Variants in FYN observed in about 807,000 individuals in gnomAD.
FYN encodes tyrosine-protein kinase Fyn.
Under a neutral mutation model 70.2 loss-of-function variants are expected in FYN, and 10 were observed. That is an observed-to-expected ratio of 0.14 (90% confidence interval 0.09 to 0.24). The LOEUF (loss-of-function observed/expected upper bound fraction) is 0.24, where lower values mean the gene tolerates loss of function less well. Ranked by LOEUF, FYN falls within the 10% of genes least tolerant of loss-of-function variation. The probability of loss-of-function intolerance (pLI) is 1.00; values close to 1 mark genes in which losing one functional copy is unlikely to be tolerated. For synonymous variants in FYN, 236 were observed against 248.6 expected, an observed-to-expected ratio of 0.95 and a Z score of 0.48; for missense variants, 319 against 673.1, an observed-to-expected ratio of 0.47 and a Z score of 5.82.
chr6:111,824,175 T>C (rs1315524898), intron 2 of FYN, among the ~76,000 whole-genome samples: 1 of 152,248 alleles, frequency 6.6e-6, no homozygotes, highest in Non-Finnish European at 1.5e-5. Flanking sequence ...AAACATCTTT[T>C]GCAAGATGTG....
At chr6:111,705,651 C>T (rs943960366) in intron 6 of FYN, among the ~76,000 whole-genome samples, 8 of 152,170 alleles carry the variant, frequency 5.3e-5, no homozygotes, top group African/African-American at 1.9e-4. Flanking sequence ...GAGTTCGAGG[C>T]CACCCTGGCC....
chr6:111,819,496 A>G (rs1562532776), intron 2 of FYN, among the ~76,000 whole-genome samples: 1 of 152,062 alleles, frequency 6.6e-6, no homozygotes, highest in African/African-American at 2.4e-5. Context: ...CTGAAATAGA[A>G]TATTCTTTCC....
intron 2 of FYN, among the ~76,000 whole-genome samples, chr6:111,845,764 G>A (rs1281975045): frequency 6.6e-6 from 1 of 152,220 alleles, no homozygotes; most frequent in Non-Finnish European, 1.5e-5. Flanking sequence ...GGGCAGAGTA[G>A]TGGGGGCCGA....
chr6:111,760,852 C>T (rs1802976205), intron 3 of FYN, among the ~76,000 whole-genome samples: 1 of 152,196 alleles, frequency 6.6e-6, no homozygotes, highest in African/African-American at 2.4e-5. Flanking sequence ...CCTGCTCTTC[C>T]TATCTGAATC....
At chr6:111,847,923 C>T (rs1773577334) in intron 1 of FYN, among the ~76,000 whole-genome samples, 1 of 152,144 alleles carries the variant, frequency 6.6e-6, no homozygotes, top group African/African-American at 2.4e-5. Flanking sequence ...CCTTAGCAAC[C>T]CATATCATCT....
At chr6:111,693,910 C>T (rs564158424) in intron 12 of FYN, among the ~76,000 whole-genome samples, 4 of 152,206 alleles carry the variant, frequency 2.6e-5, no homozygotes, top group Non-Finnish European at 5.9e-5. Flanking sequence ...CTTCTTGTGC[C>T]CACTTCTCTG....
At position 111,677,445 on chromosome 6, in the gene FYN, C is replaced by T. The variant is rs547197351; in HGVS notation, c.1274-2815G>A. 2.9e-4 allele frequency among the ~76,000 whole-genome samples: 44 copies of T among 152,344 alleles called. No homozygotes were observed. The South Asian group carries it at 2.9e-3, about 10-fold the overall frequency. ...CTTCCCACCTCCTGAGGGTACAAAGCTATTGGCCCTAAAATGCAGCTCTAA... is the reference window on the plus strand; with the variant it reads ...CTTCCCACCTCCTGAGGGTACAAAGTTATTGGCCCTAAAATGCAGCTCTAA... On this transcript the variant is annotated intron_variant, in intron 12 of 13. Transcript: ENST00000354650.
intron 3 of FYN, among the ~76,000 whole-genome samples, chr6:111,722,631 TG>T (rs1801008490): frequency 6.6e-6 from 1 of 152,156 alleles, no homozygotes; most frequent in East Asian, 1.9e-4. Flanking sequence ...GGTTCTCAGC[TG>T]GGGGTAACTT....
intron 12 of FYN, among the ~76,000 whole-genome samples, chr6:111,681,633 T>C (rs762435155): frequency 5.3e-5 from 8 of 152,194 alleles, no homozygotes; most frequent in African/African-American, 1.9e-4. Context: ...CCCACCTCCT[T>C]CATGAAGCCA....
At chr6:111,703,374 A>C (rs1275812881) in intron 7 of FYN, among the ~76,000 whole-genome samples, 1 of 152,214 alleles carries the variant, frequency 6.6e-6, no homozygotes, top group East Asian at 1.9e-4. Flanking sequence ...TGAATGGCTG[A>C]GCTTGCTTCC....
At chr6:111,680,263 T>C (rs6905361) in intron 12 of FYN, among the ~76,000 whole-genome samples, 20 of 152,156 alleles carry the variant, frequency 1.3e-4, no homozygotes, top group African/African-American at 4.8e-4. Flanking sequence ...CTGCACTCGG[T>C]GCCAGGAGGA....
At chr6:111,751,764 T>G (rs536811947) in intron 3 of FYN, among the ~76,000 whole-genome samples, 1 of 152,070 alleles carries the variant, frequency 6.6e-6, no homozygotes, top group African/African-American at 2.4e-5. Context: ...GGGACTACAG[T>G]TGTGCACCAC....
intron 4 of FYN, among the ~76,000 whole-genome samples, chr6:111,716,733 C>A (rs182601034): frequency 5.7e-4 from 86 of 150,052 alleles, no homozygotes; most frequent in Non-Finnish European, 8.9e-4. Flanking sequence ...ATCTTTTGTA[C>A]CCGATTGAAA....
In FYN at chr6:111,700,153, C is replaced by T; in HGVS notation, c.813G>A (p.Leu271=). The T allele has an allele frequency of 1.9e-6, 3 of 1,614,116 alleles. No homozygotes were observed. Among genetic ancestry groups the T allele is most frequent in the Non-Finnish European group, 2.5e-6 (3 of 1,180,010 alleles). Residue 271 remains leucine (L), a synonymous_variant, in exon 9 of 14, where the codon CTG becomes CTA. Transcript: ENST00000354650. Reference sequence around the variant, plus strand: ...CATTTCCCAGTCTCTTGATCAACTGCAGGGATTCTCGAGGGATTTCCCAGA... The same window carrying T: ...CATTTCCCAGTCTCTTGATCAACTGTAGGGATTCTCGAGGGATTTCCCAGA... ...KDVWEIPRES[L]QLIKRLGNGQ...
At chr6:111,860,574 C>A (rs139447059) in intron 1 of FYN, among the ~76,000 whole-genome samples, 2 of 152,268 alleles carry the variant, frequency 1.3e-5, no homozygotes, top group African/African-American at 4.8e-5. Context: ...GGACTCTTCC[C>A]CACATGGCAT....
At chr6:111,667,276 T>G (rs1798053735) in intron 13 of FYN, among the ~76,000 whole-genome samples, 2 of 152,172 alleles carry the variant, frequency 1.3e-5, no homozygotes, top group South Asian at 4.1e-4. Flanking sequence ...TCTTGCTCTG[T>G]CACCCAGCCT....
intron 2 of FYN, among the ~76,000 whole-genome samples, chr6:111,817,035 T>G (rs1333469738): frequency 6.6e-6 from 1 of 152,212 alleles, no homozygotes; most frequent in Non-Finnish European, 1.5e-5. Flanking sequence ...CTGAATTTTA[T>G]GCAGGCATTA....
chr6:111,670,818 A>G (rs980085879), intron 13 of FYN, among the ~76,000 whole-genome samples: 1 of 152,174 alleles, frequency 6.6e-6, no homozygotes, highest in Admixed American at 6.5e-5. Flanking sequence ...GGGGAAAAGA[A>G]GGATTTGAGA....
intron 12 of FYN, among the ~76,000 whole-genome samples, chr6:111,692,107 C>T (rs75997818): frequency 2.7e-5 from 4 of 148,252 alleles, no homozygotes; most frequent in Non-Finnish European, 6.0e-5. Context: ...CATTTCCCCC[C>T]CCCCCAGTTC....
Sources: gnomAD v4.1 joint callset for allele counts (sites outside exome capture counted in the v4.1 genomes callset) on GRCh38, gnomAD v4.1.1 for gene constraint, MANE v1.5 for transcripts, NCBI Gene and HGNC (gene_info 2026-07-23, HGNC 2026-07-21) for gene names.